PGM5: variants seen among roughly 807,000 people sequenced by gnomAD.
PGM5 encodes phosphoglucomutase 5.
PGM5 carries 23 observed loss-of-function variants against 59.2 expected under a neutral mutation model. That is an observed-to-expected ratio of 0.39 (90% CI 0.28 to 0.55). The LOEUF is 0.55. Ranked by LOEUF, PGM5 falls within the 20% of genes least tolerant of loss-of-function variation. The probability of loss-of-function intolerance (pLI) is 0.66; values close to 1 mark genes in which losing one functional copy is unlikely to be tolerated. For synonymous variants in PGM5, 214 were observed against 286.0 expected (o/e 0.75, Z 2.54); for missense variants, 574 against 748.3 (o/e 0.77, Z 2.72).
chr9:68,466,337 C>T (rs1823935015), intron 7 of PGM5: 1 of 395,054 alleles, frequency 2.5e-6, no homozygotes, highest in Admixed American at 5.3e-5. Context: ...CTGAAATTCC[C>T]CATCTGTTTA....
At chr9:68,529,522 G>T (rs768759492) in intron 10 of PGM5, 45 bp from the exon 11 acceptor site, 1 of 1,378,348 alleles carries the variant, frequency 7.3e-7, no homozygotes, top group South Asian at 1.2e-5. Flanking sequence ...GCCCCAAAAT[G>T]TAACTGACTT....
chr9:68,462,439 C>G (rs1315467572), intron 6 of PGM5, among the ~76,000 whole-genome samples: 1 of 152,170 alleles, frequency 6.6e-6, no homozygotes, highest in African/African-American at 2.4e-5. Context: ...ACACAATTAA[C>G]TCATACCCAG....
chr9:68,472,719 A>T (rs1824041766), intron 7 of PGM5, among the ~76,000 whole-genome samples: 1 of 152,216 alleles, frequency 6.6e-6, no homozygotes. Flanking sequence ...GAGTGCGAGT[A>T]ATTTCAGACA....
chr9:68,370,460 G>T (rs1432714893), intron 1 of PGM5, among the ~76,000 whole-genome samples: 14 of 152,132 alleles, frequency 9.2e-5, no homozygotes, highest in Admixed American at 8.5e-4. Context: ...ATATTACCTC[G>T]CTGCTCTCTA....
At position 68,465,188 on chromosome 9, in the gene PGM5, G is replaced by T; in HGVS notation, c.1139G>T (p.Gly380Val). 6.2e-7 allele frequency: 1 copy of T among 1,612,078 alleles called. No individual in the cohort carries two copies. Among genetic ancestry groups the T allele is most frequent in the Non-Finnish European group, 8.5e-7 (1 of 1,178,294 alleles). The change falls in exon 7 of 11, where the codon GGG (glycine) becomes GTG (valine). Residue 380 changes from glycine to valine, a missense_variant. By Grantham distance (109) the Gly-to-Val change is moderately radical. This residue lies in a region of PGM5 where 300 missense variants were observed against 280.0 expected (regional missense o/e 1.07). Transcript: ENST00000396396. ...LMDSGRCNLC[G>V]EESFGTGSDH... ...GACTCAGGACGTTGCAATCTGTGTG[G>T]GGAAGAGAGCTTTGGCACTGGTAGG...
At chr9:68,509,372 T>G (rs1824708462) in intron 10 of PGM5, among the ~76,000 whole-genome samples, 1 of 152,242 alleles carries the variant, frequency 6.6e-6, no homozygotes, top group African/African-American at 2.4e-5. Context: ...CTTTTGAGCA[T>G]TTTTGTTGGT....
chr9:68,485,123 T>G (rs1279966543), intron 9 of PGM5, among the ~76,000 whole-genome samples: 1 of 152,206 alleles, frequency 6.6e-6, no homozygotes, highest in Non-Finnish European at 1.5e-5. Context: ...TGTTTTGCTG[T>G]TAATGCAGTA....
At chr9:68,372,294 T>C (rs1312418265) in intron 1 of PGM5, among the ~76,000 whole-genome samples, 1 of 150,428 alleles carries the variant, frequency 6.6e-6, no homozygotes. Context: ...TCTTCCAGCT[T>C]CTGGCAGCAG....
intron 6 of PGM5, among the ~76,000 whole-genome samples, chr9:68,438,733 C>T (rs1173285674): frequency 2.0e-5 from 3 of 152,168 alleles, no homozygotes; most frequent in Non-Finnish European, 4.4e-5. Flanking sequence ...TCCACTTGAA[C>T]CCAACATAGC....
intron 6 of PGM5, among the ~76,000 whole-genome samples, chr9:68,415,215 G>A (rs1174353177): frequency 1.3e-5 from 2 of 149,190 alleles, no homozygotes; most frequent in Non-Finnish European, 2.9e-5. Context: ...ATATGCAGAT[G>A]AAAAACCTGG....
At chr9:68,450,048 G>A (rs1481320479) in intron 6 of PGM5, among the ~76,000 whole-genome samples, 1 of 152,166 alleles carries the variant, frequency 6.6e-6, no homozygotes, top group Non-Finnish European at 1.5e-5. Flanking sequence ...TCTCATACCA[G>A]CACCAATGTT....
chr9:68,487,336 G>A (rs1057042030), intron 9 of PGM5, among the ~76,000 whole-genome samples: 5 of 152,104 alleles, frequency 3.3e-5, no homozygotes, highest in African/African-American at 1.2e-4. Flanking sequence ...ACAGCGGCAA[G>A]TACCTAATTG....
intron 6 of PGM5, among the ~76,000 whole-genome samples, chr9:68,456,267 A>G (rs555538820): frequency 6.6e-6 from 1 of 150,898 alleles, no homozygotes; most frequent in East Asian, 1.9e-4. Flanking sequence ...TACTTCACCA[A>G]CATTTGGTAT....
At chr9:68,487,389 T>A (rs1319825417) in intron 9 of PGM5, among the ~76,000 whole-genome samples, 1 of 151,628 alleles carries the variant, frequency 6.6e-6, no homozygotes, top group Non-Finnish European at 1.5e-5. Context: ...CCAGAATCCT[T>A]AATTTGATTG....
At chr9:68,404,917 G>A (rs1320222626) in intron 6 of PGM5, 1 of 152,196 alleles carries the variant, frequency 6.6e-6, no homozygotes, top group Non-Finnish European at 1.5e-5. Context: ...GGCCTCAGGT[G>A]AACCGTGATC....
At chr9:68,436,448 T>G (rs1554683383) in intron 6 of PGM5, among the ~76,000 whole-genome samples, 4 of 152,036 alleles carry the variant, frequency 2.6e-5, no homozygotes, top group African/African-American at 2.4e-5. Context: ...AGATAAAAAA[T>G]GTACTTATAG....
intron 6 of PGM5, among the ~76,000 whole-genome samples, chr9:68,450,529 A>G (rs999371772): frequency 3.3e-5 from 5 of 152,264 alleles, no homozygotes; most frequent in African/African-American, 4.8e-5. Context: ...CTTGTTTGCT[A>G]GGTTAGGCCT....
chr9:68,389,805 A>G lies in PGM5; in HGVS notation c.698-1729A>G, dbSNP rs138238465. On this transcript the variant is annotated intron_variant, in intron 4 of 10. Coordinates refer to ENST00000396396, the MANE Select transcript of PGM5 (RefSeq NM_021965.4). Reference sequence around the variant, plus strand: ...ATATGATACGTGTATGTTTACCTTTATAAGAAACGGCCAAATCATTTTCCA... The same window carrying G: ...ATATGATACGTGTATGTTTACCTTTGTAAGAAACGGCCAAATCATTTTCCA... Among the ~76,000 whole-genome samples, 597 of 152,230 alleles carry G rather than the reference A, an allele frequency of 3.9e-3. 3 individuals carry two copies. Among genetic ancestry groups the G allele is most frequent in the African/African-American group, 0.014 (576 of 41,556 alleles).
At chr9:68,403,236 T>C (rs1387975480) in intron 6 of PGM5, among the ~76,000 whole-genome samples, 1 of 152,138 alleles carries the variant, frequency 6.6e-6, no homozygotes, top group Non-Finnish European at 1.5e-5. Context: ...GCATGCTCCT[T>C]GCGAGAATCT....
Sources: allele counts gnomAD v4.1 joint callset (sites outside exome capture counted in the v4.1 genomes callset), GRCh38; gene constraint gnomAD v4.1.1; regional missense constraint gnomAD v4.1.1; transcripts MANE v1.5; gene names NCBI Gene and HGNC (gene_info 2026-07-23, HGNC 2026-07-21).